The following CBLB variants were observed in gnomAD, a reference collection of about 807,000 sequenced individuals.
CBLB encodes the protein Cbl proto-oncogene B.
CBLB carries 31 observed loss-of-function variants against 104.9 expected under a neutral mutation model. That is an observed-to-expected ratio of 0.30 (90% CI 0.22 to 0.40). The LOEUF (loss-of-function observed/expected upper bound fraction) is 0.40. Ranked by LOEUF, CBLB falls within the 10% of genes least tolerant of loss-of-function variation. CBLB has a pLI of 1.00. For synonymous variants in CBLB, 440 were observed against 422.6 expected (o/e 1.04, Z -0.51); for missense variants, 1,062 against 1,214.6 (o/e 0.87, Z 1.87).
intron 16 of CBLB, among the ~76,000 whole-genome samples, chr3:105,679,451 T>A (rs1287730679): frequency 6.6e-6 from 1 of 151,912 alleles, no homozygotes; most frequent in African/African-American, 2.4e-5. Context: ...TTCACACTTT[T>A]AAGTTGAATG....
intron 1 of CBLB, among the ~76,000 whole-genome samples, chr3:105,867,878 T>TAA (rs76716093): frequency 1.4e-3 from 198 of 141,348 alleles, no homozygotes; most frequent in South Asian, 6.3e-3. Context: ...ACTCAACTCA[T>TAA]AAAAAAAAAA....
At chr3:105,817,087 A>T (rs556145834) in intron 3 of CBLB, among the ~76,000 whole-genome samples, 1 of 152,304 alleles carries the variant, frequency 6.6e-6, no homozygotes, top group Admixed American at 6.5e-5. Context: ...CATGAAAATG[A>T]GAAGAAGACA....
chr3:105,811,884 A>T (rs2084357844), intron 3 of CBLB, among the ~76,000 whole-genome samples: 1 of 152,086 alleles, frequency 6.6e-6, no homozygotes, highest in Non-Finnish European at 1.5e-5. Flanking sequence ...TTGTATTTTT[A>T]GTAGAGACGA....
chr3:105,796,503 G>A (rs2082274055), intron 3 of CBLB, among the ~76,000 whole-genome samples: 1 of 152,078 alleles, frequency 6.6e-6, no homozygotes, highest in South Asian at 2.1e-4. Context: ...TGATAACCTA[G>A]GAAATACCAT....
At chr3:105,683,815 G>T (rs2066637435) in intron 14 of CBLB, among the ~76,000 whole-genome samples, 2 of 152,126 alleles carry the variant, frequency 1.3e-5, no homozygotes. Context: ...ACCAGCAATA[G>T]CAAGGAGTGT....
At chr3:105,861,480 G>A (rs2092080339) in intron 2 of CBLB, among the ~76,000 whole-genome samples, 1 of 151,782 alleles carries the variant, frequency 6.6e-6, no homozygotes, top group African/African-American at 2.4e-5. Context: ...TTCCTCCTGT[G>A]TAAGTGGAAG....
At position 105,821,260 on chromosome 3, in the gene CBLB, A is replaced by ATATCTATCTATCTATC. The variant is rs10660729; in HGVS notation, c.419+32138_419+32153dup. 6.2e-3 allele frequency among the ~76,000 whole-genome samples: 928 copies of ATATCTATCTATCTATC among 149,512 alleles called. 14 individuals are homozygous for ATATCTATCTATCTATC. Among genetic ancestry groups the ATATCTATCTATCTATC allele is most frequent in the South Asian group, 0.011 (49 of 4,656 alleles). On this transcript the variant is annotated intron_variant, in intron 3 of 18. Transcript: ENST00000394030. ...CTTTAAAGATCAGATATCTATATCT[A>ATATCTATCTATCTATC]TATCTATCTATCTATCTATCTATCT...
intron 18 of CBLB, among the ~76,000 whole-genome samples, chr3:105,660,277 C>G (rs573922964): frequency 1.3e-5 from 2 of 152,094 alleles, no homozygotes; most frequent in African/African-American, 4.8e-5. Context: ...CTCCACCTCC[C>G]GAGTTCAAGC....
intron 3 of CBLB, among the ~76,000 whole-genome samples, chr3:105,780,603 T>G (rs1288833518): frequency 6.6e-6 from 1 of 152,218 alleles, no homozygotes; most frequent in East Asian, 1.9e-4. Flanking sequence ...TTATTCATTT[T>G]CTTTGCATGG....
intron 2 of CBLB, 47 bp downstream of exon 2, chr3:105,867,359 CACAG>C (rs759483752): frequency 7.2e-6 from 11 of 1,524,400 alleles, no homozygotes; most frequent in South Asian, 1.1e-5. Context: ...CTGGAGAAAC[CACAG>C]ACAAAGTGAA....
At chr3:105,734,445 C>A (rs1187292677) in intron 8 of CBLB, among the ~76,000 whole-genome samples, 5 of 151,946 alleles carry the variant, frequency 3.3e-5, no homozygotes, top group Non-Finnish European at 5.9e-5. Context: ...ACTCAAAAGA[C>A]AAAATCTATG....
intron 4 of CBLB, among the ~76,000 whole-genome samples, chr3:105,771,861 A>G (rs953564784): frequency 1.3e-5 from 2 of 152,192 alleles, no homozygotes; most frequent in African/African-American, 4.8e-5. Flanking sequence ...GGAAAACTAC[A>G]AAACACTGAA....
At chr3:105,664,934 T>C (rs1341236166) in intron 18 of CBLB, among the ~76,000 whole-genome samples, 2 of 152,132 alleles carry the variant, frequency 1.3e-5, no homozygotes, top group East Asian at 3.9e-4. Context: ...CATGTGTACA[T>C]TTTTTTCTAA....
In CBLB at chr3:105,766,839, C is replaced by G. The variant is rs1388794873; in HGVS notation, c.566+9557G>C. 1.3e-5 allele frequency among the ~76,000 whole-genome samples: 2 copies of G among 152,126 alleles called. 1 individual carries two copies. The highest frequency in any genetic ancestry group is 2.9e-5 in the Non-Finnish European group (2 of 68,004). Reference sequence around the variant, plus strand: ...AAACCCACAATATCTCTGAGGTATGCATGTACTAGTAAATTAATTTATTAT... The same window carrying G: ...AAACCCACAATATCTCTGAGGTATGGATGTACTAGTAAATTAATTTATTAT... On this transcript the variant is annotated intron_variant, in intron 4 of 18. Transcript: ENST00000394030.
chr3:105,801,879 G>A (rs116305479), intron 3 of CBLB, among the ~76,000 whole-genome samples: 60 of 152,350 alleles, frequency 3.9e-4, no homozygotes, highest in African/African-American at 1.4e-3. Context: ...ACTTTGAGCT[G>A]TAACCTTGGA....
intron 4 of CBLB, among the ~76,000 whole-genome samples, chr3:105,775,248 G>A (rs1361643381): frequency 6.6e-6 from 1 of 151,834 alleles, no homozygotes; most frequent in East Asian, 1.9e-4. Flanking sequence ...TGGGAAATAG[G>A]CTTTAATATT....
chr3:105,713,058 C>T (rs954720674), intron 10 of CBLB, among the ~76,000 whole-genome samples: 2 of 152,008 alleles, frequency 1.3e-5, no homozygotes, highest in Admixed American at 6.6e-5. Context: ...TAACTTGAGG[C>T]CAGGATTTCA....
chr3:105,784,567 C>G (rs1230813546), intron 3 of CBLB, among the ~76,000 whole-genome samples: 1 of 152,128 alleles, frequency 6.6e-6, no homozygotes, highest in African/African-American at 2.4e-5. Flanking sequence ...TCCCAGTAGT[C>G]TATCATAAAA....
At chr3:105,857,165 T>C (rs891266273) in intron 2 of CBLB, among the ~76,000 whole-genome samples, 1 of 152,236 alleles carries the variant, frequency 6.6e-6, no homozygotes, top group African/African-American at 2.4e-5. Flanking sequence ...AGGTATTTTT[T>C]TTCCAGACAT....
Sources: allele counts gnomAD v4.1 joint callset (sites outside exome capture counted in the v4.1 genomes callset), GRCh38; gene constraint gnomAD v4.1.1; transcripts MANE v1.5; gene names NCBI Gene and HGNC (gene_info 2026-07-23, HGNC 2026-07-21).